The following MOK variants were observed in gnomAD, a reference collection of about 807,000 sequenced individuals.
MOK encodes MAPK/MAK/MRK overlapping kinase.
Under a neutral mutation model 54.2 loss-of-function variants are expected in MOK, and 59 were observed. That is an observed-to-expected ratio of 1.09 (90% confidence interval 0.88 to 1.35). The LOEUF (loss-of-function observed/expected upper bound fraction) is 1.35, where lower values mean the gene tolerates loss of function less well. Ranked by LOEUF, MOK falls within the 40% of genes most tolerant of loss-of-function variation. The pLI is 0.00. For synonymous variants in MOK, 210 were observed against 202.7 expected (o/e 1.04, Z -0.31); for missense variants, 517 against 526.2 (o/e 0.98, Z 0.17).
downstream of MOK, chr14:102,225,036 G>A (rs1459627490): frequency 3.1e-6 from 1 of 322,992 alleles, no homozygotes; most frequent in East Asian, 8.5e-5. Context: ...TTGGAAGGCA[G>A]AAGGAACTAC....
At chr14:102,246,521 C>T (rs527693885) in intron 7 of MOK, among the ~76,000 whole-genome samples, 8 of 152,250 alleles carry the variant, frequency 5.3e-5, no homozygotes, top group African/African-American at 1.9e-4. Flanking sequence ...ACTCCAATTC[C>T]TCTCTGGCAA....
intron 7 of MOK, among the ~76,000 whole-genome samples, chr14:102,243,201 CTAACAAAACCATTACATAAACACAAAA>C (rs2065847137): frequency 6.6e-6 from 1 of 152,128 alleles, no homozygotes; most frequent in Non-Finnish European, 1.5e-5. Flanking sequence ...TTTTGCCATC[CTAACAAAACCATTACATAAACACAAAA>C]GAAAACCTAG....
chr14:102,265,700 G>A, intron 3 of MOK, 123 bp downstream of exon 3: 1 of 695,026 alleles, frequency 1.4e-6, no homozygotes, highest in Non-Finnish European at 2.4e-6. Context: ...GTAAGATGAA[G>A]TAAAAATGGT....
At chr14:102,243,187 C>T (rs1465063045) in intron 7 of MOK, among the ~76,000 whole-genome samples, 1 of 152,152 alleles carries the variant, frequency 6.6e-6, no homozygotes, top group Non-Finnish European at 1.5e-5. Context: ...CTTTAAATAC[C>T]TGGTTTTGCC....
At position 102,245,611 on chromosome 14, in the gene MOK, T is replaced by A. The variant is rs560513496; in HGVS notation, c.590+5201A>T. Among the ~76,000 whole-genome samples, 1 of 151,844 alleles carries A rather than the reference T, an allele frequency of 6.6e-6. No homozygotes were observed. Among genetic ancestry groups the A allele is most frequent in the Admixed American group, 6.5e-5 (1 of 15,278 alleles). ...GAGAACAACCCCCTTTGACTGTAAT[T>A]TTCCACTACCTACCCAAATCCTCTA... On this transcript the variant is annotated intron_variant, in intron 7 of 11. Coordinates refer to ENST00000361847, the MANE Select transcript of MOK (RefSeq NM_014226.3). This position sits in a 1 kb window ranked among gnomAD's most constrained non-coding sequence, Gnocchi z 4.3.
chr14:102,243,690 C>T (rs2065886015), intron 7 of MOK, among the ~76,000 whole-genome samples: 1 of 152,208 alleles, frequency 6.6e-6, no homozygotes, highest in African/African-American at 2.4e-5. Context: ...AATCCGGCCT[C>T]CCACATTATT....
intron 7 of MOK, chr14:102,234,042 A>C: frequency 2.5e-6 from 1 of 398,784 alleles, no homozygotes; most frequent in Non-Finnish European, 4.5e-6. Context: ...TCCCTTCCCC[A>C]ATATAAACCC....
intron 1 of MOK, among the ~76,000 whole-genome samples, chr14:102,300,038 G>A (rs192398779): frequency 9.1e-4 from 138 of 152,024 alleles, no homozygotes; most frequent in Admixed American, 6.2e-3. Context: ...AACTTAAGCC[G>A]GGGAGCCGGG....
intron 1 of MOK, among the ~76,000 whole-genome samples, chr14:102,298,066 G>A (rs1486529835): frequency 6.6e-6 from 1 of 152,216 alleles, no homozygotes; most frequent in Non-Finnish European, 1.5e-5. Context: ...AAGGGCTGAG[G>A]GGTGCAGGCA....
At chr14:102,285,886 C>G (rs911307007) in intron 1 of MOK, among the ~76,000 whole-genome samples, 4 of 152,016 alleles carry the variant, frequency 2.6e-5, no homozygotes, top group Non-Finnish European at 5.9e-5. Flanking sequence ...GAGCAAAACT[C>G]TGTCTCAAAA....
At chr14:102,266,448 G>A (rs1355753117) in intron 2 of MOK, among the ~76,000 whole-genome samples, 2 of 151,776 alleles carry the variant, frequency 1.3e-5, no homozygotes, top group East Asian at 1.9e-4. Context: ...GGGACCACAG[G>A]TGCATCCCAC....
intron 1 of MOK, among the ~76,000 whole-genome samples, chr14:102,297,673 C>T (rs988578801): frequency 8.5e-5 from 13 of 152,092 alleles, no homozygotes; most frequent in African/African-American, 2.2e-4. Flanking sequence ...AGAGGCACCG[C>T]GAGGTGTGGA....
intron 1 of MOK, among the ~76,000 whole-genome samples, chr14:102,300,323 CAAAAAAA>C (rs71468398): frequency 2.6e-4 from 10 of 38,480 alleles, no homozygotes; most frequent in Middle Eastern, 0.015. Context: ...AACTCTATCT[CAAAAAAA>C]AAAAAAAAAA....
At chr14:102,300,859 G>T (rs1472224161) in intron 1 of MOK, among the ~76,000 whole-genome samples, 1 of 152,156 alleles carries the variant, frequency 6.6e-6, no homozygotes, top group Non-Finnish European at 1.5e-5. Flanking sequence ...CATTTTGGAA[G>T]GCCAAGGCAG....
At chr14:102,302,308 A>T (rs2072309847) in intron 1 of MOK, among the ~76,000 whole-genome samples, 1 of 150,654 alleles carries the variant, frequency 6.6e-6, no homozygotes, top group Non-Finnish European at 1.5e-5. Flanking sequence ...CCTGACCTCA[A>T]GTGATCCACC....
intron 7 of MOK, among the ~76,000 whole-genome samples, chr14:102,247,023 C>T (rs1477048114): frequency 1.3e-5 from 2 of 152,082 alleles, no homozygotes; most frequent in Non-Finnish European, 1.5e-5. Context: ...AGTACTGCAA[C>T]GGCCGACACC....
downstream of MOK, among the ~76,000 whole-genome samples, chr14:102,227,639 C>T (rs1243980999): frequency 6.6e-6 from 1 of 152,174 alleles, no homozygotes; most frequent in Non-Finnish European, 1.5e-5. Flanking sequence ...AACATTACGG[C>T]AAGCCTCACT....
the MOK span, among the ~76,000 whole-genome samples, chr14:102,218,174 G>A: frequency 8.5e-5 from 13 of 152,374 alleles, no homozygotes; most frequent in South Asian, 2.3e-3. Flanking sequence ...GCCTGTGTGC[G>A]TCTTACTTTT....
intron 1 of MOK, among the ~76,000 whole-genome samples, chr14:102,293,718 AAAAAAAAAGAAAAGAAAAG>A (rs1445042818): frequency 3.2e-4 from 48 of 149,888 alleles, no homozygotes; most frequent in Non-Finnish European, 4.9e-4. Flanking sequence ...AAAAAAAAAA[AAAAAAAAAGAAAAGAAAAG>A]AAAAAAAAGA....
Sources: allele counts gnomAD v4.1 joint callset (sites outside exome capture counted in the v4.1 genomes callset), GRCh38; gene constraint gnomAD v4.1.1; non-coding constraint Gnocchi (gnomAD v3.1); transcripts MANE v1.5; gene names NCBI Gene and HGNC (gene_info 2026-07-23, HGNC 2026-07-21).